ARHGAP6: variants seen among roughly 807,000 people sequenced by gnomAD.
ARHGAP6 encodes rho GTPase-activating protein 6.
In ARHGAP6, 16 loss-of-function variants were observed where a neutral mutation model predicts 55.7. That is an observed-to-expected ratio of 0.29 (90% CI 0.19 to 0.44). The LOEUF is 0.44. Among genes scored for constraint, ARHGAP6 ranks in the 20% least tolerant of loss-of-function variants. ARHGAP6 has a pLI of 1.00. For missense variants in ARHGAP6, 698 were observed against 808.9 expected, an observed-to-expected ratio of 0.86 and a Z score of 1.66; for synonymous variants, 382 against 360.9, an observed-to-expected ratio of 1.06 and a Z score of -0.66.
intron 1 of ARHGAP6, among the ~76,000 whole-genome samples, chrX:11,284,168 G>A (rs1178040554): frequency 9.0e-6 from 1 of 111,449 alleles, no homozygotes; most frequent in Non-Finnish European, 1.9e-5. Context: ...ACAGTTCTCC[G>A]ATTTAAGCAT....
intron 1 of ARHGAP6, among the ~76,000 whole-genome samples, chrX:11,340,268 CTCCCT>C (rs1432664886): frequency 8.9e-6 from 1 of 111,779 alleles, no homozygotes; most frequent in Admixed American, 9.5e-5. Flanking sequence ...CATGGCATTG[CTCCCT>C]TCACTCACTA....
At chrX:11,224,737 T>C (rs1214299584) in intron 2 of ARHGAP6, among the ~76,000 whole-genome samples, 1 of 110,358 alleles carries the variant, frequency 9.1e-6, no homozygotes, top group East Asian at 2.8e-4. Flanking sequence ...GGGTGGGCAT[T>C]GGGCAGTGAA....
intron 1 of ARHGAP6, among the ~76,000 whole-genome samples, chrX:11,556,707 T>C (rs2051322984): frequency 1.8e-5 from 2 of 112,132 alleles, no homozygotes; most frequent in African/African-American, 3.2e-5. Context: ...GGTTCTAGGG[T>C]GGCCCTTATT....
chrX:11,218,515 C>T (rs773376854), intron 2 of ARHGAP6, among the ~76,000 whole-genome samples: 3 of 110,647 alleles, frequency 2.7e-5, no homozygotes, highest in East Asian at 5.7e-4. Context: ...TTCTGTTGTT[C>T]GGAATAGTTT....
intron 1 of ARHGAP6, among the ~76,000 whole-genome samples, chrX:11,658,797 G>A (rs1013445189): frequency 9.3e-6 from 1 of 107,810 alleles, no homozygotes; most frequent in Non-Finnish European, 1.9e-5. Context: ...TCAGTTTCTT[G>A]TATACAGGGC....
intron 1 of ARHGAP6, among the ~76,000 whole-genome samples, chrX:11,347,782 C>T (rs149222223): frequency 1.1e-3 from 122 of 111,783 alleles, no homozygotes; most frequent in African/African-American, 3.0e-3. Context: ...CGCCATTCAA[C>T]ATGCATTTGG....
chrX:11,604,525 C>T (rs1291990620), intron 1 of ARHGAP6, among the ~76,000 whole-genome samples: 1 of 111,582 alleles, frequency 9.0e-6, no homozygotes, highest in African/African-American at 3.3e-5. Context: ...ATGAAATCTA[C>T]ATACCTCATG....
chrX:11,450,203 AGTGTGTGTGTGTGTGTGTGTGTGT>A (rs34050296), intron 1 of ARHGAP6, among the ~76,000 whole-genome samples: 2 of 90,183 alleles, frequency 2.2e-5, no homozygotes, highest in South Asian at 1.2e-3. Context: ...ACAAATAATA[AGTGTGTGTGTGTGTGTGTGTGTGT>A]GTGTGTGTGT....
intron 1 of ARHGAP6, among the ~76,000 whole-genome samples, chrX:11,485,037 C>CAACAA (rs751432057): frequency 4.7e-5 from 5 of 105,545 alleles, no homozygotes; most frequent in African/African-American, 1.4e-4. Context: ...ACAACAACAA[C>CAACAA]AAAAAAAAAA....
At chrX:11,465,528 T>A (rs765628309) in intron 1 of ARHGAP6, among the ~76,000 whole-genome samples, 6 of 112,492 alleles carry the variant, frequency 5.3e-5, no homozygotes, top group Middle Eastern at 4.2e-3. Context: ...GGAATTGATG[T>A]AAATAAATAA....
intron 1 of ARHGAP6, among the ~76,000 whole-genome samples, chrX:11,592,861 A>C (rs1428011289): frequency 9.0e-6 from 1 of 111,531 alleles, no homozygotes; most frequent in Non-Finnish European, 1.9e-5. Context: ...GCAAGGTTTG[A>C]AGAGCCTCTG....
At chrX:11,469,568 A>G (rs2050328074) in intron 1 of ARHGAP6, among the ~76,000 whole-genome samples, 1 of 111,402 alleles carries the variant, frequency 9.0e-6, no homozygotes, top group Admixed American at 9.6e-5. Context: ...CCACTAAAAT[A>G]CAGCCCAAAA....
chrX:11,571,114 C>T (rs1212640382), intron 1 of ARHGAP6, among the ~76,000 whole-genome samples: 1 of 111,986 alleles, frequency 8.9e-6, no homozygotes, highest in Non-Finnish European at 1.9e-5. Flanking sequence ...GCCTCTAGAA[C>T]AGTGAGAAAT....
chrX:11,311,904 C>T (rs1430070721), intron 1 of ARHGAP6, among the ~76,000 whole-genome samples: 2 of 111,122 alleles, frequency 1.8e-5, no homozygotes, highest in East Asian at 2.8e-4. Context: ...TTACATTCAG[C>T]GACTCTGAAA....
intron 9 of ARHGAP6, among the ~76,000 whole-genome samples, chrX:11,162,290 CAG>C (rs1201435532): frequency 9.5e-6 from 1 of 104,998 alleles, no homozygotes; most frequent in Non-Finnish European, 2.0e-5. Context: ...GATGGCAGAG[CAG>C]AGAGAGAGAG....
At chrX:11,139,592 C>A in intron 12 of ARHGAP6, 62 bp from the exon 13 acceptor site, 6 of 1,066,519 alleles carry the variant, frequency 5.6e-6, no homozygotes, top group South Asian at 2.5e-5. Flanking sequence ...GCTGGGGATT[C>A]AAATCCTGTT....
At chrX:11,636,194 C>T (rs748230411) in intron 1 of ARHGAP6, among the ~76,000 whole-genome samples, 1 of 110,875 alleles carries the variant, frequency 9.0e-6, no homozygotes, top group East Asian at 2.8e-4. Context: ...TTTCACTTTC[C>T]AAAATGCTAC....
chrX:11,568,032 T>C (rs1435888398), intron 1 of ARHGAP6, among the ~76,000 whole-genome samples: 1 of 111,547 alleles, frequency 9.0e-6, no homozygotes, highest in Non-Finnish European at 1.9e-5. Context: ...TTAGAAGAAA[T>C]GCCCTCAGGT....
chrX:11,265,974 G>T (rs1000550269), intron 1 of ARHGAP6: 1 of 937,055 alleles, frequency 1.1e-6, no homozygotes. Flanking sequence ...ACAGAGGCAG[G>T]CTGTGTCCCT....
Sources: allele counts gnomAD v4.1 joint callset (sites outside exome capture counted in the v4.1 genomes callset), GRCh38; gene constraint gnomAD v4.1.1; transcripts MANE v1.5; gene names NCBI Gene and HGNC (gene_info 2026-07-23, HGNC 2026-07-21).